The following RNF182 variants were observed in gnomAD, a reference collection of about 807,000 sequenced individuals.
The protein encoded by RNF182 is E3 ubiquitin-protein ligase RNF182.
In RNF182, 15 loss-of-function variants were observed where a neutral mutation model predicts 14.4. The observed-to-expected ratio is 1.04, with a 90% CI of 0.70 to 1.60. RNF182 has a LOEUF of 1.60. Among genes scored for constraint, RNF182 ranks in the 40% most tolerant of loss-of-function variants. RNF182 has a pLI of 0.00. For missense variants in RNF182, 268 were observed against 294.8 expected (o/e 0.91, Z 0.67); for synonymous variants, 128 against 122.9 (o/e 1.04, Z -0.27).
At chr6:13,926,329 T>C (rs907095737) in intron 1 of RNF182, among the ~76,000 whole-genome samples, 5 of 152,216 alleles carry the variant, frequency 3.3e-5, no homozygotes, top group Non-Finnish European at 7.4e-5. Flanking sequence ...CTACTTGAGG[T>C]GTCAGGCAAA....
At chr6:13,952,034 A>G (rs1759606714) in intron 1 of RNF182, among the ~76,000 whole-genome samples, 1 of 152,138 alleles carries the variant, frequency 6.6e-6, no homozygotes, top group Non-Finnish European at 1.5e-5. Flanking sequence ...CAGGAGTTTC[A>G]ACATGTGGTC....
intron 1 of RNF182, among the ~76,000 whole-genome samples, chr6:13,945,449 G>C (rs986706627): frequency 6.6e-6 from 1 of 152,124 alleles, no homozygotes; most frequent in South Asian, 2.1e-4. Flanking sequence ...CTCAGAGCCC[G>C]TTTAGATGAT....
At chr6:13,954,054 A>C (rs1420700644) in intron 1 of RNF182, among the ~76,000 whole-genome samples, 1 of 152,160 alleles carries the variant, frequency 6.6e-6, no homozygotes, top group Non-Finnish European at 1.5e-5. Context: ...AAAAGTAGAG[A>C]AAATGATATA....
chr6:13,929,771 G>A (rs1340300713), intron 1 of RNF182, among the ~76,000 whole-genome samples: 1 of 152,158 alleles, frequency 6.6e-6, no homozygotes, highest in East Asian at 1.9e-4. Context: ...AAGGAATGCA[G>A]CAAGCTTTAT....
rs1281004358 is a variant in RNF182, at chr6:13,979,031, A to G, written c.*1168A>G. On this transcript the variant is annotated 3_prime_UTR_variant, in exon 3 of 3. Coordinates refer to ENST00000488300, the MANE Select transcript of RNF182 (RefSeq NM_152737.4). ...CATGCAAAGCTGAAGCCCTGCTTGA[A>G]AAGACCCTTCAAGGAAGTAAAATGG... is the stretch of plus-strand genomic sequence containing the variant. 6.0e-6 allele frequency: 1 copy of G among 167,078 alleles called. No individual in the cohort carries two copies. The highest frequency in any genetic ancestry group is 1.5e-5 in the Non-Finnish European group (1 of 68,098). The allele number at this position is 167,078 out of a possible 1,614,324, so 10.3% of individuals were successfully genotyped here.
chr6:13,976,342 G>A (rs1760323298), intron 2 of RNF182, among the ~76,000 whole-genome samples: 1 of 152,102 alleles, frequency 6.6e-6, no homozygotes, highest in Non-Finnish European at 1.5e-5. Flanking sequence ...AACAATAAAA[G>A]CATTTATATA....
intron 1 of RNF182, among the ~76,000 whole-genome samples, chr6:13,927,578 T>C (rs1430144828): frequency 6.6e-6 from 1 of 152,178 alleles, no homozygotes; most frequent in Non-Finnish European, 1.5e-5. Context: ...ATGAAGCATA[T>C]CCAAAGACAA....
intron 1 of RNF182, among the ~76,000 whole-genome samples, chr6:13,955,196 G>C (rs570607044): frequency 6.6e-5 from 10 of 152,206 alleles, no homozygotes; most frequent in Middle Eastern, 3.4e-3. Context: ...TGCATGAATG[G>C]GTACAACTAC....
At chr6:13,937,985 A>C (rs1046101963) in intron 1 of RNF182, among the ~76,000 whole-genome samples, 1 of 149,734 alleles carries the variant, frequency 6.7e-6, no homozygotes, top group African/African-American at 2.4e-5. Context: ...CCATTAAAAA[A>C]GATTATCTTT....
rs1759999225 is a variant in RNF182, at chr6:13,965,444, C to T, written c.-366-8766C>T. ...AAACAAATTTTTTGAGCTTAAAAAT[C>T]AGGACTTGAGTCTGTAAATTCAAAT... On this transcript the variant is annotated intron_variant, in intron 1 of 2. Transcript: ENST00000488300. Among the ~76,000 whole-genome samples the T allele has an allele frequency of 2.0e-5, 3 of 152,126 alleles. No homozygotes were observed. The South Asian group carries it at 6.2e-4, about 32-fold the overall frequency.
intron 1 of RNF182, among the ~76,000 whole-genome samples, chr6:13,971,462 G>A (rs983383228): frequency 1.3e-5 from 2 of 152,012 alleles, no homozygotes; most frequent in Admixed American, 6.6e-5. Flanking sequence ...ATCTTTATTA[G>A]CGTAAGAATC....
chr6:13,951,188 G>A (rs1034889854), intron 1 of RNF182, among the ~76,000 whole-genome samples: 2 of 152,174 alleles, frequency 1.3e-5, no homozygotes, highest in Non-Finnish European at 2.9e-5. Flanking sequence ...GATGGAAGAA[G>A]ATCTAATAGT....
intron 1 of RNF182, among the ~76,000 whole-genome samples, chr6:13,937,753 G>T (rs1759171744): frequency 6.6e-6 from 1 of 151,524 alleles, no homozygotes; most frequent in African/African-American, 2.4e-5. Context: ...AGTTGTCCAG[G>T]TGGTTATATC....
chr6:13,936,485 T>C (rs1413490627), intron 1 of RNF182, among the ~76,000 whole-genome samples: 1 of 152,220 alleles, frequency 6.6e-6, no homozygotes. Context: ...AATATAAATT[T>C]TTCTTTCACA....
intron 1 of RNF182, among the ~76,000 whole-genome samples, chr6:13,968,562 C>A (rs1760094590): frequency 6.6e-6 from 1 of 152,136 alleles, no homozygotes; most frequent in Non-Finnish European, 1.5e-5. Flanking sequence ...ATAAAATAAG[C>A]ATACAGTTAA....
In RNF182 at chr6:13,969,048, T is replaced by C. The variant is rs114094424; in HGVS notation, c.-366-5162T>C. Among the ~76,000 whole-genome samples, 692 of 152,302 alleles carry C rather than the reference T, an allele frequency of 4.5e-3. 4 individuals carry two copies. The highest frequency in any genetic ancestry group is 0.016 in the African/African-American group (663 of 41,566). On this transcript the variant is annotated intron_variant, in intron 1 of 2. Coordinates refer to ENST00000488300, the MANE Select transcript of RNF182 (RefSeq NM_152737.4). Reference sequence around the variant, plus strand: ...GGAATTTATTGGCTCACAGAAACCTTCATACATTATTGACTTCAGAAACTC... The same window carrying C: ...GGAATTTATTGGCTCACAGAAACCTCCATACATTATTGACTTCAGAAACTC...
At chr6:13,943,920 T>C (rs1255671042) in intron 1 of RNF182, among the ~76,000 whole-genome samples, 1 of 152,174 alleles carries the variant, frequency 6.6e-6, no homozygotes, top group Non-Finnish European at 1.5e-5. Flanking sequence ...TGTTAATTGG[T>C]GTTTATCTGG....
chr6:13,977,701 C>T lies in RNF182; in HGVS notation c.582C>T (p.Phe194=), dbSNP rs535750500. 1 of 1,614,208 alleles carries T rather than the reference C, an allele frequency of 6.2e-7. No homozygotes were observed. The highest frequency in any genetic ancestry group is 1.7e-5 in the Admixed American group (1 of 60,030). Residue 194 remains phenylalanine, a synonymous_variant, in exon 3 of 3, where the codon TTC becomes TTT. Coordinates refer to ENST00000488300, the MANE Select transcript of RNF182 (RefSeq NM_152737.4). ...VLVWLLGLLY[F]SSLPLGIYLL... is the part of the protein sequence containing the mutation. ...TGTGGTTGCTAGGTTTGCTCTACTT[C>T]AGCTCCTTACCCTTAGGAATCTACT... is the stretch of plus-strand genomic sequence containing the variant.
chr6:13,939,259 G>T (rs796274435), intron 1 of RNF182, among the ~76,000 whole-genome samples: 1 of 152,138 alleles, frequency 6.6e-6, no homozygotes, highest in Non-Finnish European at 1.5e-5. Flanking sequence ...GATAGATTTT[G>T]ATTGGAATTG....
Sources: gnomAD v4.1 joint callset for allele counts (sites outside exome capture counted in the v4.1 genomes callset) on GRCh38, gnomAD v4.1.1 for gene constraint, MANE v1.5 for transcripts, NCBI Gene and HGNC (gene_info 2026-07-23, HGNC 2026-07-21) for gene names.